ATG14: variants seen among roughly 807,000 people sequenced by gnomAD.
ATG14 encodes the protein beclin 1-associated autophagy-related key regulator.
A neutral mutation model predicts 60.4 loss-of-function variants in ATG14; 35 were observed. That is an observed-to-expected ratio of 0.58 (90% CI 0.44 to 0.77). The LOEUF is 0.77. Ranked by LOEUF, ATG14 falls within the 30% of genes least tolerant of loss-of-function variation. The probability of loss-of-function intolerance (pLI) is 0.00; values close to 1 mark genes in which losing one functional copy is unlikely to be tolerated. For missense variants in ATG14, 647 were observed against 626.3 expected (o/e 1.03, Z -0.35); for synonymous variants, 234 against 228.8 (o/e 1.02, Z -0.21).
intron 9 of ATG14, among the ~76,000 whole-genome samples, chr14:55,371,813 A>G (rs1167770018): frequency 6.7e-6 from 1 of 149,914 alleles, no homozygotes; most frequent in Non-Finnish European, 1.5e-5. Context: ...CAAAAAACAA[A>G]CAAAAAAACA....
intron 1 of ATG14, among the ~76,000 whole-genome samples, chr14:55,409,967 A>G (rs1336982448): frequency 1.3e-5 from 2 of 151,806 alleles, no homozygotes; most frequent in Non-Finnish European, 2.9e-5. Context: ...GATTTAAGAT[A>G]AGTTTTGAAG....
chr14:55,368,655 T>C lies in ATG14; in HGVS notation c.*964A>G, dbSNP rs1421474524. On this transcript the variant is annotated 3_prime_UTR_variant, in exon 10 of 10. Coordinates refer to ENST00000247178, the MANE Select transcript of ATG14 (RefSeq NM_014924.5). The stretch of plus-strand genomic sequence containing the variant: ...AGTTCGGGGAAACAAGTAGGATGGT[T>C]TCCCCTGAAAACACCTGCCACCTAC... The C allele has an allele frequency of 2.0e-5, 3 of 152,182 alleles. No homozygotes were observed. Among genetic ancestry groups the C allele is most frequent in the Admixed American group, 1.3e-4 (2 of 15,250 alleles). 9.4% of individuals were successfully genotyped at this position (152,182 alleles called of 1,614,324 possible).
At chr14:55,387,729 G>A (rs1252484877) in intron 4 of ATG14, among the ~76,000 whole-genome samples, 1 of 152,004 alleles carries the variant, frequency 6.6e-6, no homozygotes, top group African/African-American at 2.4e-5. Flanking sequence ...GAATGCAGTG[G>A]TGCATCTCGG....
At chr14:55,386,649 AG>A in intron 4 of ATG14, among the ~76,000 whole-genome samples, 1 of 152,288 alleles carries the variant, frequency 6.6e-6, no homozygotes, top group Non-Finnish European at 1.5e-5. Context: ...ACATCTGGTG[AG>A]GTATCTAGAC....
chr14:55,382,835 A>G (rs1317832582), intron 5 of ATG14, among the ~76,000 whole-genome samples: 1 of 152,220 alleles, frequency 6.6e-6, no homozygotes, highest in Non-Finnish European at 1.5e-5. Context: ...TTGGAATTCC[A>G]AAGAACTTTT....
At chr14:55,384,924 G>C (rs1201561062) in intron 5 of ATG14, among the ~76,000 whole-genome samples, 2 of 152,180 alleles carry the variant, frequency 1.3e-5, no homozygotes, top group South Asian at 2.1e-4. Context: ...GAGGTTGGAG[G>C]GGTGCCCTCT....
chr14:55,411,538 C>T, intron 1 of ATG14, 64 bp downstream of exon 1: 5 of 1,505,462 alleles, frequency 3.3e-6, no homozygotes, highest in African/African-American at 1.4e-5. Context: ...AGGTTCCAGC[C>T]TTCGGCTGCC....
rs1884717624 is a variant in ATG14 at position 55,367,889 on chromosome 14, AC to A, written c.*1729del. The A allele has an allele frequency of 6.6e-6, 1 of 152,472 alleles. No homozygotes were observed. Among genetic ancestry groups the A allele is most frequent in the Non-Finnish European group, 1.5e-5 (1 of 68,034 alleles). 9.4% of individuals were successfully genotyped at this position (152,472 alleles called of 1,614,324 possible). ...CAAAACTATACAAAACACCAAATATACCATTAGCAAAAGCTATATAGCACCT... is the reference window on the plus strand; with the variant it reads ...CAAAACTATACAAAACACCAAATATACATTAGCAAAAGCTATATAGCACCT... On this transcript the variant is annotated 3_prime_UTR_variant, in exon 10 of 10. Coordinates refer to ENST00000247178, the MANE Select transcript of ATG14 (RefSeq NM_014924.5).
chr14:55,381,864 C>T, intron 6 of ATG14, 98 bp downstream of exon 6: 1 of 971,888 alleles, frequency 1.0e-6, no homozygotes, highest in East Asian at 2.5e-5. Flanking sequence ...GTACTAAATG[C>T]CCCTGAATGG....
At chr14:55,411,098 A>G (rs1885563915) in intron 1 of ATG14, among the ~76,000 whole-genome samples, 1 of 152,222 alleles carries the variant, frequency 6.6e-6, no homozygotes, top group African/African-American at 2.4e-5. Flanking sequence ...GCAAGCCTCA[A>G]TTCACACATT....
At chr14:55,397,839 A>T (rs1483893920) in intron 1 of ATG14, among the ~76,000 whole-genome samples, 1 of 152,182 alleles carries the variant, frequency 6.6e-6, no homozygotes, top group Admixed American at 6.5e-5. Flanking sequence ...ATAAATTTTT[A>T]AAAATTGTAG....
Position 55,369,898 on chromosome 14 carries a change from G to T in ATG14, c.1200C>A (p.Asp400Glu). 1 of 1,612,720 alleles carries T rather than the reference G, an allele frequency of 6.2e-7. No individual in the cohort carries two copies. Among genetic ancestry groups the T allele is most frequent in the Non-Finnish European group, 8.5e-7 (1 of 1,179,118 alleles). Reference protein sequence around the residue: ...GRSGPFEVRADLEESMEFVDP... With the variant: ...GRSGPFEVRAELEESMEFVDP... ...CCACAAATTCCATGGACTCCTCAAG[G>T]TCTGCTCGTACTTCAAAGGGCCCTG... The change falls in exon 10 of 10, where the codon GAC becomes GAA. Residue 400 changes from aspartate (D) to glutamate (E), a missense_variant. Transcript: ENST00000247178.
intron 4 of ATG14, among the ~76,000 whole-genome samples, chr14:55,389,674 T>C (rs1395716659): frequency 6.6e-6 from 1 of 152,246 alleles, no homozygotes; most frequent in East Asian, 1.9e-4. Context: ...TACATAAACA[T>C]GCTCTTTGAG....
At chr14:55,387,908 C>T (rs954816261) in intron 4 of ATG14, among the ~76,000 whole-genome samples, 1 of 152,158 alleles carries the variant, frequency 6.6e-6, no homozygotes, top group South Asian at 2.1e-4. Context: ...GTGATCCGCC[C>T]GCCTCGGCCT....
chr14:55,369,611 C>T lies in ATG14; in HGVS notation c.*8G>A, dbSNP rs1008369905. The T allele has an allele frequency of 6.7e-7, 1 of 1,499,500 alleles. No individual in the cohort carries two copies. The highest frequency in any genetic ancestry group is 1.4e-5 in the African/African-American group (1 of 71,512). 92.9% of individuals were successfully genotyped at this position (1,499,500 alleles called of 1,614,324 possible). Reference sequence around the variant, plus strand: ...GATGCAGATTTGGTATGTTTTGGTCCATGCTCGTTAACGGTGTCCAGTGTA... The same window carrying T: ...GATGCAGATTTGGTATGTTTTGGTCTATGCTCGTTAACGGTGTCCAGTGTA... On this transcript the variant is annotated 3_prime_UTR_variant, in exon 10 of 10. Coordinates refer to ENST00000247178, the MANE Select transcript of ATG14 (RefSeq NM_014924.5).
chr14:55,389,626 T>C (rs909686293), intron 4 of ATG14, among the ~76,000 whole-genome samples: 1 of 152,210 alleles, frequency 6.6e-6, no homozygotes, highest in Non-Finnish European at 1.5e-5. Flanking sequence ...CTTCAGAAAT[T>C]CATGGACTGC....
At chr14:55,409,875 G>A (rs1885544554) in intron 1 of ATG14, among the ~76,000 whole-genome samples, 2 of 152,186 alleles carry the variant, frequency 1.3e-5, no homozygotes, top group Admixed American at 1.3e-4. Context: ...GTACAAAAGG[G>A]GAGCAAGGAC....
At chr14:55,372,576 A>C in intron 9 of ATG14, among the ~76,000 whole-genome samples, 6 of 138,020 alleles carry the variant, frequency 4.3e-5, no homozygotes, top group African/African-American at 8.2e-5. Context: ...CCTTCTTTCC[A>C]TCCTTTCTTC....
chr14:55,372,722 T>G (rs1434740191), intron 9 of ATG14, among the ~76,000 whole-genome samples: 2 of 151,570 alleles, frequency 1.3e-5, no homozygotes, highest in Non-Finnish European at 2.9e-5. Flanking sequence ...TCCTTCCTTC[T>G]TTCCTCCCTC....
Sources: allele counts gnomAD v4.1 joint callset (sites outside exome capture counted in the v4.1 genomes callset), GRCh38; gene constraint gnomAD v4.1.1; transcripts MANE v1.5; gene names NCBI Gene and HGNC (gene_info 2026-07-23, HGNC 2026-07-21).